Variants in KCNIP4 observed in about 807,000 individuals in gnomAD.
KCNIP4 encodes Kv channel-interacting protein 4.
In KCNIP4, 12 loss-of-function variants were observed where a neutral mutation model predicts 34.0. That is an observed-to-expected ratio of 0.35 (90% CI 0.23 to 0.57). The LOEUF (loss-of-function observed/expected upper bound fraction) is 0.57, where lower values mean the gene tolerates loss of function less well. Among genes scored for constraint, KCNIP4 ranks in the 20% least tolerant of loss-of-function variants. KCNIP4 has a pLI of 0.83. For missense variants in KCNIP4, 238 were observed against 311.7 expected, an observed-to-expected ratio of 0.76 and a Z score of 1.78; for synonymous variants, 124 against 102.2, an observed-to-expected ratio of 1.21 and a Z score of -1.29.
intron 1 of KCNIP4, among the ~76,000 whole-genome samples, chr4:21,342,688 C>T (rs1442916056): frequency 6.6e-6 from 1 of 152,148 alleles, no homozygotes; most frequent in African/African-American, 2.4e-5. Context: ...TTATTCTCTA[C>T]TAATTTCATA....
At chr4:21,692,569 T>C (rs1711772051) in intron 1 of KCNIP4, among the ~76,000 whole-genome samples, 2 of 152,186 alleles carry the variant, frequency 1.3e-5, no homozygotes, top group East Asian at 1.9e-4. Context: ...AGAATAGGTT[T>C]CAATGGAAGA....
chr4:20,780,224 T>C (rs998348638), intron 3 of KCNIP4, among the ~76,000 whole-genome samples: 41 of 152,210 alleles, frequency 2.7e-4, no homozygotes, highest in African/African-American at 9.4e-4. Flanking sequence ...GATATAAGGT[T>C]GTGGTCAAAA....
intron 1 of KCNIP4, among the ~76,000 whole-genome samples, chr4:21,504,475 A>AAAAAAAAAAAAAAAAAAGAAAG (rs1264431211): frequency 9.8e-5 from 10 of 101,838 alleles, no homozygotes; most frequent in Admixed American, 1.1e-4. Flanking sequence ...CAAAAAAAAA[A>AAAAAAAAAAAAAAAAAAGAAAG]AAAGAAAGAA....
At chr4:21,186,070 G>A (rs1755202953) in intron 1 of KCNIP4, among the ~76,000 whole-genome samples, 2 of 152,056 alleles carry the variant, frequency 1.3e-5, no homozygotes, top group African/African-American at 2.4e-5. Context: ...CAGGTGAATA[G>A]CTGTCTATTT....
At chr4:21,089,121 G>T (rs1488469697) in intron 1 of KCNIP4, among the ~76,000 whole-genome samples, 1 of 152,136 alleles carries the variant, frequency 6.6e-6, no homozygotes, top group East Asian at 1.9e-4. Flanking sequence ...CCTTTGTATG[G>T]TTTGGATTTG....
intron 1 of KCNIP4, among the ~76,000 whole-genome samples, chr4:21,753,485 A>T (rs1341647586): frequency 6.6e-6 from 1 of 152,204 alleles, no homozygotes. Context: ...AGCTGAGGAC[A>T]CTATTAGTTG....
At chr4:20,733,640 G>A (rs1293183260) in intron 6 of KCNIP4, among the ~76,000 whole-genome samples, 3 of 152,102 alleles carry the variant, frequency 2.0e-5, no homozygotes, top group Non-Finnish European at 4.4e-5. Flanking sequence ...TAAACACAGA[G>A]GTAAGAATTG....
chr4:21,740,326 A>T (rs1034787390), intron 1 of KCNIP4, among the ~76,000 whole-genome samples: 1 of 152,082 alleles, frequency 6.6e-6, no homozygotes, highest in Admixed American at 6.6e-5. Context: ...AAGTATTTTC[A>T]AAGACCTACC....
chr4:21,778,697 C>T (rs187108560), intron 1 of KCNIP4, among the ~76,000 whole-genome samples: 1,813 of 152,122 alleles, frequency 0.012, 33 homozygotes, highest in African/African-American at 0.042. Context: ...TCCTTTGATA[C>T]AAATTAAGGC....
At chr4:21,931,094 C>G (rs1047301985) in intron 1 of KCNIP4, among the ~76,000 whole-genome samples, 3 of 152,076 alleles carry the variant, frequency 2.0e-5, no homozygotes, top group Admixed American at 2.0e-4. Context: ...ATTACAAAAT[C>G]AGAGTGTTAA....
chr4:21,356,605 G>T lies in KCNIP4; in HGVS notation c.62-473896C>A, dbSNP rs567648740. On this transcript the variant is annotated intron_variant, in intron 1 of 8. Transcript: ENST00000382152. ...AATAAAATACCTGGGAATCCAGCTT[G>T]CAAGGGATGTGAAGGACCTCTTCAA... Among the ~76,000 whole-genome samples the T allele has an allele frequency of 3.3e-5, 5 of 152,150 alleles. No homozygotes were observed. The South Asian group carries it at 8.3e-4, about 25-fold the overall frequency.
At chr4:21,929,995 T>C (rs1158237589) in intron 1 of KCNIP4, among the ~76,000 whole-genome samples, 4 of 152,120 alleles carry the variant, frequency 2.6e-5, no homozygotes, top group Admixed American at 2.0e-4. Context: ...CATTCTAAGC[T>C]CTATTCTCCT....
intron 1 of KCNIP4, among the ~76,000 whole-genome samples, chr4:21,259,202 T>C (rs1761289760): frequency 6.6e-6 from 1 of 152,186 alleles, no homozygotes; most frequent in Admixed American, 6.5e-5. Context: ...AAATTTATGG[T>C]ATGAACTACT....
Position 21,281,494 on chromosome 4 carries a change from A to C in KCNIP4, c.62-398785T>G, listed in dbSNP as rs1406166478. Among the ~76,000 whole-genome samples, 5 of 152,316 alleles carry C rather than the reference A, an allele frequency of 3.3e-5. No individual in the cohort carries two copies. The South Asian group carries it at 1.0e-3, about 32-fold the overall frequency. ...AATCTGATTGATGTGTCAAGTTTAG[A>C]GCAGTGACAGACTCACTGTGAAGAT... On this transcript the variant is annotated intron_variant, in intron 1 of 8. Transcript: ENST00000382152.
chr4:21,734,919 T>A (rs1012051761), intron 1 of KCNIP4, among the ~76,000 whole-genome samples: 1 of 152,070 alleles, frequency 6.6e-6, no homozygotes. Flanking sequence ...TCTTTCTTTA[T>A]GAAATAGAAT....
intron 1 of KCNIP4, among the ~76,000 whole-genome samples, chr4:21,024,604 T>C (rs547834301): frequency 6.6e-6 from 1 of 152,302 alleles, no homozygotes; most frequent in South Asian, 2.1e-4. Context: ...TTTGAACCGT[T>C]TCTAAAATTG....
intron 1 of KCNIP4, among the ~76,000 whole-genome samples, chr4:20,884,778 G>A (rs1725101868): frequency 6.7e-6 from 1 of 148,912 alleles, no homozygotes; most frequent in African/African-American, 2.5e-5. Context: ...CGCGATCTCA[G>A]TTCACTGCAA....
intron 1 of KCNIP4, among the ~76,000 whole-genome samples, chr4:21,360,554 T>C (rs1220864662): frequency 1.3e-5 from 2 of 152,164 alleles, no homozygotes; most frequent in East Asian, 3.9e-4. Context: ...AGCCAGTGTG[T>C]CATTATCTTT....
At chr4:21,591,471 A>C (rs1450191860) in intron 1 of KCNIP4, among the ~76,000 whole-genome samples, 1 of 152,120 alleles carries the variant, frequency 6.6e-6, no homozygotes. Flanking sequence ...AATTAAAAAA[A>C]CTGAAAATAA....
Sources: allele counts gnomAD v4.1 joint callset (sites outside exome capture counted in the v4.1 genomes callset), GRCh38; gene constraint gnomAD v4.1.1; transcripts MANE v1.5; gene names NCBI Gene and HGNC (gene_info 2026-07-23, HGNC 2026-07-21).